The following SCYL3 variants were observed in gnomAD, a reference collection of about 807,000 sequenced individuals.
SCYL3 encodes SCY1 like pseudokinase 3, also known as protein-associating with the carboxyl-terminal domain of ezrin.
Under a neutral mutation model 73.8 loss-of-function variants are expected in SCYL3, and 35 were observed. That is an observed-to-expected ratio of 0.47 (90% CI 0.36 to 0.63). SCYL3 has a LOEUF of 0.63. Among genes scored for constraint, SCYL3 ranks in the 20% least tolerant of loss-of-function variants. SCYL3 has a pLI of 0.00. For missense variants in SCYL3, 712 were observed against 798.9 expected, an observed-to-expected ratio of 0.89 and a Z score of 1.31; for synonymous variants, 277 against 295.2, an observed-to-expected ratio of 0.94 and a Z score of 0.63.
At chr1:169,891,546 G>GT (rs1269928128) in intron 1 of SCYL3, among the ~76,000 whole-genome samples, 1 of 152,210 alleles carries the variant, frequency 6.6e-6, no homozygotes, top group Non-Finnish European at 1.5e-5. Context: ...TACTTTGAAA[G>GT]TATCTGAAGC....
rs757589807 is a variant in SCYL3 at position 169,878,673 on chromosome 1, G to T, written c.312C>A (p.Ile104=). The change falls in exon 3 of 13, where the codon ATC becomes ATA. Residue 104 remains isoleucine (I), a synonymous_variant. Coordinates refer to ENST00000367771, the MANE Select transcript of SCYL3 (RefSeq NM_020423.7). ...TLSSAEVCAG[I]YDILLALIFL... ...AGATAAGAGCCAGCAATATGTCATA[G>T]ATCCCAGCACAGACCTCTGCAGAAG... 6.2e-7 allele frequency: 1 copy of T among 1,613,818 alleles called. No homozygotes were observed. Among genetic ancestry groups the T allele is most frequent in the South Asian group, 1.1e-5 (1 of 91,022 alleles).
chr1:169,892,137 G>A (rs1208816944), intron 1 of SCYL3, among the ~76,000 whole-genome samples: 2 of 152,136 alleles, frequency 1.3e-5, no homozygotes, highest in Admixed American at 6.5e-5. Context: ...AAACTTTATT[G>A]GGGGAAAATT....
At chr1:169,857,713 TC>T (rs1390945623) in intron 11 of SCYL3, among the ~76,000 whole-genome samples, 1 of 151,898 alleles carries the variant, frequency 6.6e-6, no homozygotes, top group African/African-American at 2.4e-5. Flanking sequence ...CATGGCATTT[TC>T]TTACCATTTA....
At chr1:169,873,837 G>T in intron 4 of SCYL3, 85 bp from the exon 5 acceptor site, 1 of 929,418 alleles carries the variant, frequency 1.1e-6, no homozygotes, top group Non-Finnish European at 1.7e-6. Context: ...TAAGCAATGA[G>T]CAATGCAAAC....
chr1:169,892,389 G>A (rs747364093), intron 1 of SCYL3, among the ~76,000 whole-genome samples: 1 of 152,114 alleles, frequency 6.6e-6, no homozygotes, highest in Non-Finnish European at 1.5e-5. Context: ...CTCCCTAGTT[G>A]CTGAGATTAC....
At chr1:169,862,531 A>T in intron 10 of SCYL3, 82 bp downstream of exon 10, 1 of 1,457,840 alleles carries the variant, frequency 6.9e-7, no homozygotes. Context: ...CTAAGCTATT[A>T]TCTGAATACC....
Position 169,851,843 on chromosome 1 carries a change from T to C in SCYL3, c.*1870A>G, listed in dbSNP as rs1366811545. ...CTGGGTTTGTAGATGAAACTGAAGCTGCCAAAGTGGAACGTGTGAAACAGG... is the reference window on the plus strand; with the variant it reads ...CTGGGTTTGTAGATGAAACTGAAGCCGCCAAAGTGGAACGTGTGAAACAGG... On this transcript the variant is annotated 3_prime_UTR_variant, in exon 13 of 13. Transcript: ENST00000367771. 1.2e-6 allele frequency: 2 copies of C among 1,613,896 alleles called. No individual in the cohort carries two copies. The highest frequency in any genetic ancestry group is 1.7e-6 in the Non-Finnish European group (2 of 1,179,940).
intron 10 of SCYL3, among the ~76,000 whole-genome samples, chr1:169,861,862 A>G (rs1354529812): frequency 1.3e-5 from 2 of 152,238 alleles, no homozygotes; most frequent in Non-Finnish European, 2.9e-5. Context: ...AGGGTAGGCC[A>G]TAAATTCAAT....
Position 169,856,091 on chromosome 1 carries a change from C to T in SCYL3, c.1313-1127G>A, listed in dbSNP as rs1052263785. 8.0e-6 allele frequency: 6 copies of T among 753,798 alleles called. No homozygotes were observed. The Admixed American group carries it at 1.5e-4, about 18-fold the overall frequency. The allele number at this position is 753,798 out of a possible 1,614,324, so 46.7% of individuals were successfully genotyped here. A position where few individuals can be genotyped will look rare whatever the true frequency, so the allele number is the denominator to read the frequency against. On this transcript the variant is annotated intron_variant, in intron 11 of 12. Coordinates refer to ENST00000367771, the MANE Select transcript of SCYL3 (RefSeq NM_020423.7). Reference sequence around the variant, plus strand: ...ATAAAGGATAAAATGGAGGAGAGAACATCTTCAAACATTTGAAGACATACA... The same window carrying T: ...ATAAAGGATAAAATGGAGGAGAGAATATCTTCAAACATTTGAAGACATACA...
At chr1:169,867,529 C>G (rs1472959330) in intron 7 of SCYL3, among the ~76,000 whole-genome samples, 1 of 152,202 alleles carries the variant, frequency 6.6e-6, no homozygotes, top group Non-Finnish European at 1.5e-5. Context: ...TCACACCCTA[C>G]TGTATATGAG....
At position 169,854,554 on chromosome 1, in the gene SCYL3, C is replaced by T. The variant is rs1386750013; in HGVS notation, c.1723G>A (p.Gly575Arg). ...GGCTCGATTTGGTCTGCGTCATCCC[C>T]CCTTTGTACAAGGCTAATCTTTTGG... ...LPQKISLVQRGDDADQIEPPK... is the reference protein window; with the variant it reads ...LPQKISLVQRRDDADQIEPPK... The change falls in exon 12 of 13, where the codon GGG becomes AGG. Residue 575 changes from glycine (G) to arginine (R), a missense_variant. Around this residue, in one of 2 missense-constraint regions of SCYL3, gnomAD observed 370 missense variants for 350.8 expected, o/e 1.05. Transcript: ENST00000367771. The T allele has an allele frequency of 2.5e-6, 4 of 1,613,710 alleles. No homozygotes were observed. The Admixed American group carries it at 5.0e-5, about 20-fold the overall frequency.
At chr1:169,858,957 A>G (rs17543370) in intron 11 of SCYL3, 84 bp downstream of exon 11, 100,654 of 1,192,994 alleles carry the variant, frequency 0.084, 4,724 homozygotes, top group Middle Eastern at 0.1. Context: ...ATTTGACTGA[A>G]TATGACCCTC....
At chr1:169,864,601 T>C (rs1659895488) in intron 8 of SCYL3, 93 bp from the exon 9 acceptor site, 21 of 1,249,678 alleles carry the variant, frequency 1.7e-5, no homozygotes, top group Non-Finnish European at 2.3e-5. Flanking sequence ...CTCTCTCACT[T>C]CTATCAAAGT....
At chr1:169,881,476 C>T (rs867869431) in intron 2 of SCYL3, among the ~76,000 whole-genome samples, 7 of 152,228 alleles carry the variant, frequency 4.6e-5, no homozygotes, top group Middle Eastern at 3.4e-3. Flanking sequence ...AATATACAAT[C>T]GATTACTGTA....
intron 11 of SCYL3, 135 bp from the exon 12 acceptor site, chr1:169,855,099 G>A (rs1324028157): frequency 1.7e-6 from 1 of 605,292 alleles, no homozygotes; most frequent in Non-Finnish European, 2.8e-6. Context: ...AAACAAAAGA[G>A]ATCCCAGCAG....
At position 169,878,626 on chromosome 1, in the gene SCYL3, T is replaced by G. The variant is rs746790278; in HGVS notation, c.351+8A>C. On this transcript the variant is annotated splice_region_variant and intron_variant, in intron 3 of 12. Transcript: ENST00000367771. ...AAGTCTGTGATGCAGACTATACAGG[T>G]TACTTACTCTGTCATGAAGGAAGAT... is the stretch of plus-strand genomic sequence containing the variant. The G allele has an allele frequency of 8.1e-6, 13 of 1,606,472 alleles. 1 individual carries two copies. The Middle Eastern group carries it at 5.0e-4, about 61-fold the overall frequency.
chr1:169,880,085 C>T (rs1274474620), intron 2 of SCYL3, among the ~76,000 whole-genome samples: 4 of 151,604 alleles, frequency 2.6e-5, no homozygotes, highest in Admixed American at 6.6e-5. Flanking sequence ...CTGGGCAACA[C>T]AGTGAAATCT....
At chr1:169,891,897 CAA>C (rs1277649572) in intron 1 of SCYL3, among the ~76,000 whole-genome samples, 3 of 152,154 alleles carry the variant, frequency 2.0e-5, no homozygotes, top group Non-Finnish European at 4.4e-5. Flanking sequence ...CTATAATTAA[CAA>C]AGTTATAAAA....
In SCYL3 at chr1:169,859,090, G is replaced by C; in HGVS notation, c.1263C>G (p.Phe421Leu). Residue 421 changes from phenylalanine to leucine, a missense_variant, in exon 11 of 13, where the codon TTC (phenylalanine) becomes TTG (leucine). Phe to Leu is a conservative substitution (Grantham distance 22). This residue lies in a region of SCYL3 where 370 missense variants were observed against 350.8 expected (regional missense o/e 1.05). Transcript: ENST00000367771. ...VVVGGERTKIFKRTAPSFTKN... is the reference protein window; with the variant it reads ...VVVGGERTKILKRTAPSFTKN... ...TAGTAAAACTTGGGGCAGTGCGTTT[G>C]AAGATCTTGGTTCGTTCTCCTCCCA... 1.2e-6 allele frequency: 2 copies of C among 1,614,040 alleles called. No individual in the cohort carries two copies. The highest frequency in any genetic ancestry group is 1.7e-6 in the Non-Finnish European group (2 of 1,179,986).
Sources: gnomAD v4.1 joint callset for allele counts (sites outside exome capture counted in the v4.1 genomes callset) on GRCh38, gnomAD v4.1.1 for gene constraint, gnomAD v4.1.1 regional missense constraint, MANE v1.5 for transcripts, NCBI Gene and HGNC (gene_info 2026-07-23, HGNC 2026-07-21) for gene names.